The following PPP4R1 variants were observed in gnomAD, a reference collection of about 807,000 sequenced individuals.
PPP4R1 encodes the protein protein phosphatase 4 regulatory subunit 1.
Under a neutral mutation model 111.2 loss-of-function variants are expected in PPP4R1, and 42 were observed. The observed-to-expected ratio is 0.38, with a 90% confidence interval of 0.29 to 0.49. PPP4R1 has a LOEUF of 0.49. PPP4R1 is among the 20% of genes least tolerant of loss of function. PPP4R1 has a pLI of 0.97. For synonymous variants in PPP4R1, 409 were observed against 405.5 expected (o/e 1.01, Z -0.10); for missense variants, 1,012 against 1,161.6 (o/e 0.87, Z 1.87).
chr18:9,577,085 A>G lies in PPP4R1; in HGVS notation c.1025T>C (p.Met342Thr). The change falls in exon 10 of 20, where the codon ATG becomes ACG. Residue 342 changes from methionine to threonine, a missense_variant. Transcript: ENST00000400556. ...FKEESKSSEE[M>T]SVENKNRTRD... ...ATACCTATTTTTGTTTTCTACTGAC[A>G]TCTCTTCTGAACTTTTGCTTTCTTC... 6.3e-7 allele frequency: 1 copy of G among 1,577,384 alleles called. No individual in the cohort carries two copies. The highest frequency in any genetic ancestry group is 1.9e-5 in the Admixed American group (1 of 52,482).
Position 9,559,412 on chromosome 18 carries a change from T to A in PPP4R1, c.2028+7A>T. Reference sequence around the variant, plus strand: ...CGTTCTGCTAATTCTTTAACTGCTTTACTCACCTGCATGTCTGAGGCCAGA... The same window carrying A: ...CGTTCTGCTAATTCTTTAACTGCTTAACTCACCTGCATGTCTGAGGCCAGA... On this transcript the variant is annotated splice_region_variant and intron_variant, in intron 14 of 19. Coordinates refer to ENST00000400556, the MANE Select transcript of PPP4R1 (RefSeq NM_001042388.3). The A allele has an allele frequency of 1.2e-6, 2 of 1,603,080 alleles. No individual in the cohort carries two copies. The highest frequency in any genetic ancestry group is 1.7e-6 in the Non-Finnish European group (2 of 1,174,098).
At chr18:9,602,761 C>T (rs1395793629) in intron 2 of PPP4R1, among the ~76,000 whole-genome samples, 1 of 150,618 alleles carries the variant, frequency 6.6e-6, no homozygotes, top group Non-Finnish European at 1.5e-5. Flanking sequence ...AAGGAAGTTG[C>T]AGCGAGCTGA....
At chr18:9,549,164 T>TCAC in intron 19 of PPP4R1, 33 bp downstream of exon 19, 1 of 1,599,882 alleles carries the variant, frequency 6.3e-7, no homozygotes, top group Non-Finnish European at 8.6e-7. Flanking sequence ...CCTTCTCTAC[T>TCAC]CACACGCTTC....
chr18:9,592,252 C>A (rs898390629), intron 4 of PPP4R1, among the ~76,000 whole-genome samples: 6 of 152,136 alleles, frequency 3.9e-5, no homozygotes, highest in Non-Finnish European at 7.4e-5. Flanking sequence ...TACTTAACAG[C>A]CTAATTTTTC....
At chr18:9,559,790 G>A (rs1273647162) in intron 13 of PPP4R1, among the ~76,000 whole-genome samples, 186 bp from the exon 14 acceptor site, 1 of 151,412 alleles carries the variant, frequency 6.6e-6, no homozygotes, top group South Asian at 2.1e-4. Context: ...CATGCTAAGG[G>A]AAACATATAT....
chr18:9,615,974 T>G (rs1208655698), upstream of PPP4R1, among the ~76,000 whole-genome samples: 1 of 152,160 alleles, frequency 6.6e-6, no homozygotes, highest in Non-Finnish European at 1.5e-5. Flanking sequence ...CTAGGAGTAA[T>G]AAAAATCAGA....
chr18:9,592,782 A>G (rs1235223559), intron 4 of PPP4R1, among the ~76,000 whole-genome samples: 2 of 152,174 alleles, frequency 1.3e-5, no homozygotes, highest in African/African-American at 4.8e-5. Flanking sequence ...AGGCTATAAC[A>G]GTGCCATGAA....
chr18:9,556,826 T>G (rs542397169), intron 15 of PPP4R1, among the ~76,000 whole-genome samples: 1 of 152,272 alleles, frequency 6.6e-6, no homozygotes, highest in African/African-American at 2.4e-5. Context: ...TTCCCGGATG[T>G]GAAACTGGAG....
intron 11 of PPP4R1, among the ~76,000 whole-genome samples, chr18:9,564,738 G>GTGTGTGTGTGTGTGTGT (rs67103985): frequency 8.0e-5 from 1 of 12,522 alleles, no homozygotes; most frequent in East Asian, 7.9e-4. Flanking sequence ...GTGTGTGTGT[G>GTGTGTGTGTGTGTGTGT]GGGGTATCAT....
chr18:9,599,709 T>A (rs1424506598), intron 2 of PPP4R1: 1 of 152,228 alleles, frequency 6.6e-6, no homozygotes, highest in African/African-American at 2.4e-5. Flanking sequence ...TTTATAAGAC[T>A]GTTAAGCTAG....
intron 2 of PPP4R1, among the ~76,000 whole-genome samples, chr18:9,609,044 T>TTC (rs1171375115): frequency 1.4e-5 from 2 of 147,042 alleles, no homozygotes; most frequent in Non-Finnish European, 3.0e-5. Flanking sequence ...AAAGGGGTTT[T>TTC]TCTCTCTGTC....
intron 4 of PPP4R1, among the ~76,000 whole-genome samples, chr18:9,590,359 AAT>A (rs1356343050): frequency 6.6e-6 from 1 of 152,200 alleles, no homozygotes; most frequent in Admixed American, 6.5e-5. Context: ...ATATGAACAA[AAT>A]AGAGTGTTTC....
rs1290924054 is a variant in PPP4R1 at position 9,614,004 on chromosome 18, TG to T, written c.52+221del. 3 of 301,108 alleles carry T rather than the reference TG, an allele frequency of 1.0e-5. No individual in the cohort carries two copies. Among genetic ancestry groups the T allele is most frequent in the Non-Finnish European group, 1.8e-5 (3 of 165,976 alleles). The allele number at this position is 301,108 out of a possible 1,614,324, so 18.7% of individuals were successfully genotyped here. On this transcript the variant is annotated intron_variant, in intron 2 of 19. Coordinates refer to ENST00000400556, the MANE Select transcript of PPP4R1 (RefSeq NM_001042388.3). This position sits in a 1 kb window ranked among gnomAD's most constrained non-coding sequence, Gnocchi z 4.1. ...GAGAGCGAAGGGCGGAAAGCGAACT[TG>T]GGCGTTACTCCGGGCGTCTCCCTCC...
intron 2 of PPP4R1, among the ~76,000 whole-genome samples, chr18:9,613,371 C>T (rs1039771156): frequency 1.3e-5 from 2 of 152,174 alleles, no homozygotes; most frequent in Admixed American, 1.3e-4. Context: ...ACTCTTTTGT[C>T]TTTTCTATCG....
intron 10 of PPP4R1, among the ~76,000 whole-genome samples, chr18:9,571,458 A>G (rs1279757093): frequency 1.3e-5 from 2 of 152,260 alleles, no homozygotes; most frequent in Non-Finnish European, 1.5e-5. Context: ...AAATGAAATC[A>G]GTATTGAGGA....
At chr18:9,609,052 G>C (rs74757086) in intron 2 of PPP4R1, among the ~76,000 whole-genome samples, 2 of 151,186 alleles carry the variant, frequency 1.3e-5, no homozygotes, top group Non-Finnish European at 3.0e-5. Flanking sequence ...TTTTCTCTCT[G>C]TCTCTCTCTC....
At chr18:9,555,152 A>G (rs1190412110) in intron 15 of PPP4R1, among the ~76,000 whole-genome samples, 3 of 151,888 alleles carry the variant, frequency 2.0e-5, no homozygotes, top group Non-Finnish European at 4.4e-5. Context: ...AAAATACAAA[A>G]CTCAGTTGGG....
chr18:9,601,010 T>G, intron 2 of PPP4R1, among the ~76,000 whole-genome samples: 1 of 152,218 alleles, frequency 6.6e-6, no homozygotes, highest in Non-Finnish European at 1.5e-5. Context: ...TAGCTCTGCA[T>G]AACTAAAGTT....
At position 9,550,565 on chromosome 18, in the gene PPP4R1, C is replaced by T. The variant is rs1039945003; in HGVS notation, c.2292-167G>A. 26 of 720,328 alleles carry T rather than the reference C, an allele frequency of 3.6e-5. No homozygotes were observed. In the African/African-American group the frequency reaches 4.3e-4, roughly 12 times the overall value. The allele number at this position is 720,328 out of a possible 1,614,324, so 44.6% of individuals were successfully genotyped here. A position where few individuals can be genotyped will look rare whatever the true frequency, so the allele number is the denominator to read the frequency against. On this transcript the variant is annotated intron_variant, in intron 16 of 19. Transcript: ENST00000400556. Reference sequence around the variant, plus strand: ...TCTCCTGTACAGTTACCTCCAGTCTCTGTGTATCTGGAAATGCACTTACAT... The same window carrying T: ...TCTCCTGTACAGTTACCTCCAGTCTTTGTGTATCTGGAAATGCACTTACAT...
Sources: allele counts gnomAD v4.1 joint callset (sites outside exome capture counted in the v4.1 genomes callset), GRCh38; gene constraint gnomAD v4.1.1; non-coding constraint Gnocchi (gnomAD v3.1); transcripts MANE v1.5; gene names NCBI Gene and HGNC (gene_info 2026-07-23, HGNC 2026-07-21).